Variants in DOCK1 observed in about 807,000 individuals in gnomAD.
DOCK1 encodes dedicator of cytokinesis 1.
A neutral mutation model predicts 262.7 loss-of-function variants in DOCK1; 138 were observed. That is an observed-to-expected ratio of 0.53 (90% CI 0.46 to 0.61). The LOEUF (loss-of-function observed/expected upper bound fraction) is 0.61, where lower values mean the gene tolerates loss of function less well. Ranked by LOEUF, DOCK1 falls within the 20% of genes least tolerant of loss-of-function variation. The pLI, the probability that DOCK1 is intolerant of heterozygous loss-of-function variation, is 0.00. For missense variants in DOCK1, 1,908 were observed against 2,370.7 expected, an observed-to-expected ratio of 0.80 and a Z score of 4.05; for synonymous variants, 866 against 867.4, an observed-to-expected ratio of 1.00 and a Z score of 0.03.
chr10:127,341,075 A>T (rs1293998391), intron 30 of DOCK1, among the ~76,000 whole-genome samples: 2 of 152,192 alleles, frequency 1.3e-5, no homozygotes, highest in African/African-American at 2.4e-5. Context: ...AGGATCTGCT[A>T]ATACCTGTGT....
At chr10:127,166,942 T>G (rs2054139722) in intron 27 of DOCK1, among the ~76,000 whole-genome samples, 1 of 152,134 alleles carries the variant, frequency 6.6e-6, no homozygotes, top group South Asian at 2.1e-4. Context: ...GAGGAGGTAT[T>G]TGAAATCTAT....
At chr10:127,265,661 G>A (rs1284832564) in intron 29 of DOCK1, among the ~76,000 whole-genome samples, 1 of 152,154 alleles carries the variant, frequency 6.6e-6, no homozygotes, top group Non-Finnish European at 1.5e-5. Flanking sequence ...CCTTTCATGA[G>A]GAAAATCGTC....
intron 1 of DOCK1, among the ~76,000 whole-genome samples, chr10:126,930,034 C>T (rs1203626418): frequency 3.9e-5 from 6 of 152,148 alleles, no homozygotes; most frequent in African/African-American, 1.4e-4. Flanking sequence ...TTTATCTGTC[C>T]TGGTTAGTTC....
intron 27 of DOCK1, among the ~76,000 whole-genome samples, chr10:127,216,204 A>G (rs1428010535): frequency 2.0e-5 from 3 of 152,250 alleles, no homozygotes; most frequent in African/African-American, 7.2e-5. Context: ...AGGGAGAGCA[A>G]AAACCTGTTT....
At chr10:127,048,116 A>G (rs1406008464) in intron 21 of DOCK1, among the ~76,000 whole-genome samples, 2 of 152,174 alleles carry the variant, frequency 1.3e-5, no homozygotes, top group Non-Finnish European at 2.9e-5. Flanking sequence ...GTTGTACCAT[A>G]TTGCATTCCC....
chr10:127,154,723 TTTTGGCC>T (rs2052865367), intron 27 of DOCK1, among the ~76,000 whole-genome samples: 1 of 152,126 alleles, frequency 6.6e-6, no homozygotes, highest in Non-Finnish European at 1.5e-5. Context: ...GCCGGGCAGA[TTTTGGCC>T]TTTGTAGGGG....
At chr10:127,418,646 C>A in intron 45 of DOCK1, 105 bp downstream of exon 45, 1 of 1,371,848 alleles carries the variant, frequency 7.3e-7, no homozygotes, top group Non-Finnish European at 9.6e-7. Flanking sequence ...TCTCATTGAG[C>A]AATCTCAGCA....
rs890613461 is a variant in DOCK1 at position 126,961,551 on chromosome 10, C to A, written c.47-9151C>A. On this transcript the variant is annotated intron_variant, in intron 1 of 51. Transcript: ENST00000623213. ...GTTTCTTACTTGTCTCTGAGTTTGACAACTCGAGGAAGAGGAACCTCATGT... is the reference window on the plus strand; with the variant it reads ...GTTTCTTACTTGTCTCTGAGTTTGAAAACTCGAGGAAGAGGAACCTCATGT... Among the ~76,000 whole-genome samples the A allele has an allele frequency of 1.2e-4, 19 of 152,334 alleles. No homozygotes were observed. The East Asian group carries it at 3.7e-3, about 29-fold the overall frequency.
At chr10:126,949,693 G>A (rs1018881346) in intron 1 of DOCK1, among the ~76,000 whole-genome samples, 2 of 152,246 alleles carry the variant, frequency 1.3e-5, no homozygotes, top group African/African-American at 2.4e-5. Context: ...GGATCTGGAG[G>A]GGAAAAGTAT....
At chr10:127,294,506 G>A (rs1036686741) in intron 29 of DOCK1, among the ~76,000 whole-genome samples, 32 of 152,060 alleles carry the variant, frequency 2.1e-4, no homozygotes, top group African/African-American at 7.2e-4. Context: ...ACTTTTAGTA[G>A]AGATGGGGTT....
chr10:126,950,110 G>T (rs1188039640), intron 1 of DOCK1, among the ~76,000 whole-genome samples: 2 of 151,916 alleles, frequency 1.3e-5, no homozygotes, highest in Non-Finnish European at 2.9e-5. Context: ...CCCTTGTAAA[G>T]TTTTTGTGAT....
intron 29 of DOCK1, among the ~76,000 whole-genome samples, chr10:127,300,880 G>A (rs1169532485): frequency 6.6e-6 from 1 of 152,162 alleles, no homozygotes; most frequent in Admixed American, 6.5e-5. Flanking sequence ...TGCCAGCACT[G>A]GAGAACCCTA....
intron 38 of DOCK1, among the ~76,000 whole-genome samples, chr10:127,387,416 G>A (rs1038062950): frequency 7.9e-5 from 12 of 152,254 alleles, no homozygotes; most frequent in African/African-American, 2.9e-4. Context: ...TGGCATTCTG[G>A]GCTACCTGTT....
At chr10:127,407,531 A>G (rs190681529) in intron 40 of DOCK1, among the ~76,000 whole-genome samples, 2 of 152,352 alleles carry the variant, frequency 1.3e-5, no homozygotes, top group Middle Eastern at 3.4e-3. Context: ...GCAGGGATCA[A>G]TTGATTCAGT....
At chr10:126,911,165 G>T (rs560859314) in intron 1 of DOCK1, among the ~76,000 whole-genome samples, 1 of 152,222 alleles carries the variant, frequency 6.6e-6, no homozygotes, top group African/African-American at 2.4e-5. Context: ...CTCACCAGCA[G>T]TGTATATGTG....
At chr10:127,435,009 CT>C (rs1299497236) in intron 48 of DOCK1, among the ~76,000 whole-genome samples, 5 of 152,192 alleles carry the variant, frequency 3.3e-5, no homozygotes, top group African/African-American at 1.2e-4. Flanking sequence ...GGGCCACCTT[CT>C]TTGTACAAGG....
chr10:127,401,071 C>T (rs2067195478), intron 38 of DOCK1, among the ~76,000 whole-genome samples: 1 of 152,096 alleles, frequency 6.6e-6, no homozygotes, highest in African/African-American at 2.4e-5. Flanking sequence ...CCACCAGCCC[C>T]ACTCCTATGG....
intron 27 of DOCK1, among the ~76,000 whole-genome samples, chr10:127,179,127 T>C (rs1177669059): frequency 3.3e-5 from 5 of 152,208 alleles, no homozygotes. Flanking sequence ...CTGAAAAATG[T>C]GTGTCTGAAT....
At chr10:127,293,607 G>T (rs1451592003) in intron 29 of DOCK1, among the ~76,000 whole-genome samples, 1 of 152,180 alleles carries the variant, frequency 6.6e-6, no homozygotes, top group East Asian at 1.9e-4. Context: ...CAGGTTGGCA[G>T]CTCATCCTCT....
Sources: allele counts gnomAD v4.1 joint callset (sites outside exome capture counted in the v4.1 genomes callset), GRCh38; gene constraint gnomAD v4.1.1; transcripts MANE v1.5; gene names NCBI Gene and HGNC (gene_info 2026-07-23, HGNC 2026-07-21).